The following PCBP3 variants were observed in gnomAD, a reference collection of about 807,000 sequenced individuals.
The protein encoded by PCBP3 is poly(rC) binding protein 3.
In PCBP3, 25 loss-of-function variants were observed where a neutral mutation model predicts 52.7. The ratio of observed to expected loss-of-function variants is 0.47; its 90% CI spans 0.35 to 0.66. PCBP3 has a LOEUF of 0.66. PCBP3 is among the 30% of genes least tolerant of loss of function. The pLI is 0.01. For synonymous variants in PCBP3, 162 were observed against 183.0 expected (o/e 0.89, Z 0.93); for missense variants, 391 against 490.3 (o/e 0.80, Z 1.91).
chr21:45,677,268 A>G (rs1271584762), intron 2 of PCBP3, among the ~76,000 whole-genome samples: 1 of 152,210 alleles, frequency 6.6e-6, no homozygotes, highest in Non-Finnish European at 1.5e-5. Context: ...GCTGATATGG[A>G]GAAAGTTTGA....
At chr21:45,766,565 C>CAGTCTGTG (rs1305256539) in intron 4 of PCBP3, among the ~76,000 whole-genome samples, 3 of 152,224 alleles carry the variant, frequency 2.0e-5, no homozygotes, top group African/African-American at 7.2e-5. Flanking sequence ...TGGAAGCCCC[C>CAGTCTGTG]AGTCTGTGGT....
intron 4 of PCBP3, among the ~76,000 whole-genome samples, chr21:45,786,336 G>C (rs1457614094): frequency 6.6e-6 from 1 of 151,438 alleles, no homozygotes; most frequent in East Asian, 1.9e-4. Flanking sequence ...TGTTGCCCAG[G>C]CTGGAGTGCA....
At chr21:45,722,070 G>A (rs2084686296) in intron 2 of PCBP3, among the ~76,000 whole-genome samples, 1 of 152,166 alleles carries the variant, frequency 6.6e-6, no homozygotes, top group Non-Finnish European at 1.5e-5. Flanking sequence ...CACTACAGCA[G>A]TAATTTAAAT....
chr21:45,740,159 A>C (rs1311567148), intron 3 of PCBP3, among the ~76,000 whole-genome samples: 2 of 152,130 alleles, frequency 1.3e-5, no homozygotes, highest in African/African-American at 4.8e-5. Flanking sequence ...CTCCGACCCA[A>C]GGGGCTAAGT....
chr21:45,663,009 C>T (rs561376518), intron 1 of PCBP3, among the ~76,000 whole-genome samples: 45 of 152,296 alleles, frequency 3.0e-4, no homozygotes, highest in South Asian at 6.2e-4. Flanking sequence ...GAGGCTTAAC[C>T]GTCTCCCTGT....
intron 5 of PCBP3, among the ~76,000 whole-genome samples, chr21:45,889,981 C>A (rs944541416): frequency 2.6e-5 from 4 of 152,266 alleles, no homozygotes; most frequent in Admixed American, 6.5e-5. Context: ...CAGCCAATGA[C>A]CCCATTCCTC....
At chr21:45,835,564 C>G (rs2093564935) in intron 4 of PCBP3, among the ~76,000 whole-genome samples, 1 of 152,248 alleles carries the variant, frequency 6.6e-6, no homozygotes, top group African/African-American at 2.4e-5. Flanking sequence ...TTCCAGGGTT[C>G]AAACCTAATA....
At chr21:45,832,411 A>C (rs375817021) in intron 4 of PCBP3, among the ~76,000 whole-genome samples, 4 of 152,234 alleles carry the variant, frequency 2.6e-5, no homozygotes, top group African/African-American at 9.6e-5. Context: ...ATGCTTAACC[A>C]TCTGGGAATG....
intron 13 of PCBP3, among the ~76,000 whole-genome samples, chr21:45,926,986 C>T (rs777396942): frequency 1.3e-5 from 2 of 152,038 alleles, no homozygotes; most frequent in Non-Finnish European, 2.9e-5. Flanking sequence ...CTTGAGAAGT[C>T]AGCAAAAATC....
chr21:45,738,150 G>T (rs1350108845), intron 3 of PCBP3, among the ~76,000 whole-genome samples: 1 of 152,082 alleles, frequency 6.6e-6, no homozygotes, highest in East Asian at 1.9e-4. Flanking sequence ...TTCAGCTACA[G>T]CAAGATCAGG....
At chr21:45,850,989 T>G (rs534826360) in intron 5 of PCBP3, among the ~76,000 whole-genome samples, 1 of 152,344 alleles carries the variant, frequency 6.6e-6, no homozygotes, top group East Asian at 1.9e-4. Context: ...AGGCAGTATA[T>G]GTCCAAATTA....
intron 4 of PCBP3, among the ~76,000 whole-genome samples, chr21:45,803,083 T>A (rs1414637930): frequency 6.6e-6 from 1 of 152,224 alleles, no homozygotes; most frequent in Non-Finnish European, 1.5e-5. Context: ...TGGAAGTCAG[T>A]CACAAAGCAA....
rs369291656 is a variant in PCBP3, at chr21:45,802,491, G to A, written c.-126+47039G>A. On this transcript the variant is annotated intron_variant, in intron 4 of 17. Transcript: ENST00000681687. The surrounding 1 kb of genome is among the most constrained non-coding windows in gnomAD (Gnocchi z 5.1). The stretch of plus-strand genomic sequence containing the variant: ...CAAGGTGGTGTGAGTGTCAGGGCAC[G>A]TGGCCCAGAGGGCTCTGCAGAGACG... Among the ~76,000 whole-genome samples the A allele has an allele frequency of 1.0e-3, 152 of 152,282 alleles. 1 individual carries two copies. Among genetic ancestry groups the A allele is most frequent in the African/African-American group, 3.3e-3 (136 of 41,558 alleles).
intron 4 of PCBP3, among the ~76,000 whole-genome samples, chr21:45,814,331 A>C (rs1344368869): frequency 7.5e-6 from 1 of 133,336 alleles, no homozygotes; most frequent in Non-Finnish European, 1.6e-5. Flanking sequence ...GTGAGTGGTG[A>C]GCTAGTGAGT....
chr21:45,789,079 C>T (rs929630926), intron 4 of PCBP3, among the ~76,000 whole-genome samples: 2 of 152,250 alleles, frequency 1.3e-5, no homozygotes, highest in Non-Finnish European at 2.9e-5. Context: ...CAGAGCTGGC[C>T]GTCCTGTGTG....
intron 9 of PCBP3, among the ~76,000 whole-genome samples, chr21:45,907,413 C>T (rs1341825881): frequency 3.9e-5 from 6 of 152,200 alleles, no homozygotes; most frequent in East Asian, 3.9e-4. Context: ...TCCCTTACCT[C>T]GAAGGGTAGA....
intron 5 of PCBP3, among the ~76,000 whole-genome samples, chr21:45,887,735 A>G (rs1342615386): frequency 6.6e-6 from 1 of 152,262 alleles, no homozygotes; most frequent in African/African-American, 2.4e-5. Flanking sequence ...TTTCTAGTTT[A>G]AAGTTGGCAA....
intron 3 of PCBP3, among the ~76,000 whole-genome samples, chr21:45,739,140 C>T (rs2086155827): frequency 7.1e-6 from 1 of 141,636 alleles, no homozygotes; most frequent in African/African-American, 2.7e-5. Context: ...TTCATCAGCC[C>T]ACCCCTTCCT....
At chr21:45,910,628 TC>T (rs1427851337) in intron 10 of PCBP3, among the ~76,000 whole-genome samples, 1 of 152,112 alleles carries the variant, frequency 6.6e-6, no homozygotes, top group Admixed American at 6.5e-5. Context: ...GTCGTTTGTC[TC>T]CCTGAAAATG....
Sources: allele counts gnomAD v4.1 joint callset (sites outside exome capture counted in the v4.1 genomes callset), GRCh38; gene constraint gnomAD v4.1.1; non-coding constraint Gnocchi (gnomAD v3.1); transcripts MANE v1.5; gene names NCBI Gene and HGNC (gene_info 2026-07-23, HGNC 2026-07-21).